The following CEP126 variants were observed in gnomAD, a reference collection of about 807,000 sequenced individuals.
CEP126 encodes the protein centrosomal protein 126.
In CEP126, 74 loss-of-function variants were observed where a neutral mutation model predicts 107.8. That is an observed-to-expected ratio of 0.69 (90% CI 0.57 to 0.83). The LOEUF is 0.83. Among genes scored for constraint, CEP126 ranks in the 40% least tolerant of loss-of-function variants. The pLI is 0.00. For missense variants in CEP126, 1,237 were observed against 1,281.9 expected (o/e 0.96, Z 0.53); for synonymous variants, 449 against 446.0 (o/e 1.01, Z -0.08).
chr11:101,978,986 G>T (rs939365011), intron 7 of CEP126, among the ~76,000 whole-genome samples: 1 of 151,566 alleles, frequency 6.6e-6, no homozygotes, highest in Admixed American at 6.6e-5. Flanking sequence ...AAAAAAATTA[G>T]CCAGGGGTGG....
At chr11:101,985,027 A>T (rs771752750) in intron 8 of CEP126, among the ~76,000 whole-genome samples, 5 of 152,112 alleles carry the variant, frequency 3.3e-5, no homozygotes, top group Admixed American at 6.5e-5. Context: ...GATACATCTT[A>T]TTTTTTACTG....
intron 2 of CEP126, among the ~76,000 whole-genome samples, chr11:101,923,572 T>C (rs181319123): frequency 5.3e-5 from 8 of 152,328 alleles, no homozygotes; most frequent in Admixed American, 4.6e-4. Context: ...TTACCTGTAA[T>C]TTTTGCCTGG....
At chr11:101,935,308 C>T (rs903968072) in intron 2 of CEP126, among the ~76,000 whole-genome samples, 16 of 151,786 alleles carry the variant, frequency 1.1e-4, no homozygotes, top group Non-Finnish European at 1.9e-4. Flanking sequence ...TGTGGCTTAC[C>T]TTTTCATTTA....
At chr11:101,943,945 T>C (rs575586022) in intron 2 of CEP126, among the ~76,000 whole-genome samples, 1 of 152,220 alleles carries the variant, frequency 6.6e-6, no homozygotes, top group East Asian at 1.9e-4. Context: ...TTACAGAAAA[T>C]GGCATAGCTT....
chr11:101,951,384 C>T (rs781308374), intron 4 of CEP126, among the ~76,000 whole-genome samples: 2 of 152,006 alleles, frequency 1.3e-5, no homozygotes, highest in Non-Finnish European at 2.9e-5. Flanking sequence ...TGCTGGCACA[C>T]ACCTGTAGCT....
chr11:101,924,154 A>G (rs2137079957), intron 2 of CEP126, among the ~76,000 whole-genome samples: 1 of 152,314 alleles, frequency 6.6e-6, no homozygotes, highest in East Asian at 1.9e-4. Context: ...GAGGCAGGAC[A>G]TTTTCCAATA....
At chr11:101,976,644 C>T (rs1565366594) in intron 6 of CEP126, among the ~76,000 whole-genome samples, 1 of 152,146 alleles carries the variant, frequency 6.6e-6, no homozygotes, top group Non-Finnish European at 1.5e-5. Context: ...CACCCTTGGT[C>T]CCAAGAAACT....
chr11:101,931,358 T>C (rs1940496745), intron 2 of CEP126, among the ~76,000 whole-genome samples: 2 of 152,214 alleles, frequency 1.3e-5, no homozygotes, highest in Admixed American at 6.5e-5. Context: ...TTGGAAAATA[T>C]GGTTTTCATA....
At position 101,998,779 on chromosome 11, in the gene CEP126, T is replaced by G. The variant is rs577664968; in HGVS notation, c.*1136T>G. On this transcript the variant is annotated 3_prime_UTR_variant, in exon 11 of 11. Coordinates refer to ENST00000263468, the MANE Select transcript of CEP126 (RefSeq NM_020802.4). ...CCATGTACCAAATTTTGTGCATATA[T>G]TTTTTATTTAATCTGACCAGCCACC... 14 of 152,182 alleles carry G rather than the reference T, an allele frequency of 9.2e-5. No individual in the cohort carries two copies. Among genetic ancestry groups the G allele is most frequent in the African/African-American group, 3.4e-4 (14 of 41,516 alleles). 9.4% of individuals were successfully genotyped at this position (152,182 alleles called of 1,614,324 possible).
chr11:101,932,672 G>A (rs1940519413), intron 2 of CEP126, among the ~76,000 whole-genome samples: 1 of 151,952 alleles, frequency 6.6e-6, no homozygotes, highest in Non-Finnish European at 1.5e-5. Context: ...TTTTTAAAAT[G>A]ATTTGCCCCT....
chr11:101,961,110 C>A (rs572087036), intron 5 of CEP126, among the ~76,000 whole-genome samples: 1 of 152,106 alleles, frequency 6.6e-6, no homozygotes, highest in South Asian at 2.1e-4. Flanking sequence ...TGAGCCTAAA[C>A]CCATATGAAA....
intron 1 of CEP126, among the ~76,000 whole-genome samples, chr11:101,922,164 ATTT>A (rs5794147): frequency 1.5e-5 from 2 of 132,044 alleles, no homozygotes; most frequent in Admixed American, 1.6e-4. Flanking sequence ...CCAAGTCAGA[ATTT>A]TTTTTTTTTT....
chr11:101,973,664 A>T (rs1941159171), intron 6 of CEP126, among the ~76,000 whole-genome samples: 1 of 152,182 alleles, frequency 6.6e-6, no homozygotes. Context: ...TAAAACTTAA[A>T]ATTTTTTTTA....
intron 2 of CEP126, among the ~76,000 whole-genome samples, chr11:101,941,196 C>T (rs1461140048): frequency 6.6e-6 from 1 of 152,156 alleles, no homozygotes; most frequent in African/African-American, 2.4e-5. Context: ...TCAAAGACTA[C>T]ATTAAGTACA....
chr11:101,990,040 G>C (rs944535678), intron 9 of CEP126, among the ~76,000 whole-genome samples: 7 of 151,904 alleles, frequency 4.6e-5, no homozygotes, highest in Non-Finnish European at 8.8e-5. Context: ...ATATGAGAGA[G>C]GGAAATGTCA....
rs780696603 is a variant in CEP126 at position 101,963,528 on chromosome 11, CATT to C, written c.2498_2500del (p.Ile833del). 354 of 1,613,898 alleles carry C rather than the reference CATT, an allele frequency of 2.2e-4. No homozygotes were observed. The highest frequency in any genetic ancestry group is 2.9e-4 in the Non-Finnish European group (344 of 1,179,964). On this transcript the variant is annotated inframe_deletion, in exon 6 of 11. Transcript: ENST00000263468. ...CAGTAACTCCTGAAAATCCTCAAAACATTATTACACATAACTCTTTTAATTCAA... is the reference window on the plus strand; with the variant it reads ...CAGTAACTCCTGAAAATCCTCAAAACATTACACATAACTCTTTTAATTCAA...
chr11:101,960,813 G>A (rs1051565797), intron 5 of CEP126, among the ~76,000 whole-genome samples: 4 of 151,504 alleles, frequency 2.6e-5, no homozygotes, highest in Admixed American at 2.0e-4. Context: ...AAATCTTAAG[G>A]GATATCAATT....
At chr11:101,943,086 C>CT (rs35469897) in intron 2 of CEP126, among the ~76,000 whole-genome samples, 13,329 of 148,012 alleles carry the variant, frequency 0.09, 745 homozygotes, top group East Asian at 0.27. Flanking sequence ...GTCCGGATGC[C>CT]TTTTTTTTTT....
At chr11:101,996,403 A>G (rs1941442355) in intron 10 of CEP126, among the ~76,000 whole-genome samples, 1 of 152,132 alleles carries the variant, frequency 6.6e-6, no homozygotes, top group Admixed American at 6.5e-5. Flanking sequence ...AGCAGGCTAC[A>G]TTTTTATCCC....
Sources: gnomAD v4.1 joint callset for allele counts (sites outside exome capture counted in the v4.1 genomes callset) on GRCh38, gnomAD v4.1.1 for gene constraint, MANE v1.5 for transcripts, NCBI Gene and HGNC (gene_info 2026-07-23, HGNC 2026-07-21) for gene names.